The following TMEM232 variants were observed in gnomAD, a reference collection of about 807,000 sequenced individuals.
TMEM232 encodes transmembrane protein 232.
A neutral mutation model predicts 78.8 loss-of-function variants in TMEM232; 80 were observed. The ratio of observed to expected loss-of-function variants is 1.01; its 90% CI spans 0.85 to 1.22. The LOEUF (loss-of-function observed/expected upper bound fraction) is 1.22. TMEM232 is among the 50% of genes most tolerant of loss of function. TMEM232 has a pLI of 0.00. For synonymous variants in TMEM232, 297 were observed against 254.3 expected, an observed-to-expected ratio of 1.17 and a Z score of -1.60; for missense variants, 881 against 742.2, an observed-to-expected ratio of 1.19 and a Z score of -2.17.
At chr5:110,668,862 C>G (rs976436209) in intron 1 of TMEM232, among the ~76,000 whole-genome samples, 1 of 152,160 alleles carries the variant, frequency 6.6e-6, no homozygotes, top group African/African-American at 2.4e-5. Flanking sequence ...ACTGAACAAC[C>G]TGCTCCTTAA....
chr5:110,555,295 G>C (rs1177354790), intron 11 of TMEM232, among the ~76,000 whole-genome samples: 1 of 152,078 alleles, frequency 6.6e-6, no homozygotes, highest in Non-Finnish European at 1.5e-5. Flanking sequence ...GGAGCAGGTT[G>C]CTTAATTTAC....
At chr5:110,536,107 T>C (rs1393944241) in intron 11 of TMEM232, among the ~76,000 whole-genome samples, 2 of 152,214 alleles carry the variant, frequency 1.3e-5, no homozygotes, top group Non-Finnish European at 2.9e-5. Flanking sequence ...GGGAGTCTTT[T>C]GTTCTCTCTT....
rs1350763122 is a variant in TMEM232 at position 110,587,687 on chromosome 5, ATATATG to A, written c.1276+17416_1276+17421del. Among the ~76,000 whole-genome samples, 221 of 78,186 alleles carry A rather than the reference ATATATG, an allele frequency of 2.8e-3. 1 individual carries two copies. The highest frequency in any genetic ancestry group is 0.012 in the East Asian group (28 of 2,280). The allele number at this position is 78,186 out of a possible 152,430, so 51.3% of individuals were successfully genotyped here. A position where few individuals can be genotyped will look rare whatever the true frequency, so the allele number is the denominator to read the frequency against. On this transcript the variant is annotated intron_variant, in intron 10 of 13. Coordinates refer to ENST00000455884, the MANE Select transcript of TMEM232 (RefSeq NM_001039763.4). ...TGTATATATATATATATATATATAT[ATATATG>A]TGTGTGTGTGTGTGTGTGTGTGTGT... is the stretch of plus-strand genomic sequence containing the variant.
At chr5:110,605,801 A>T (rs1156362109) in intron 9 of TMEM232, among the ~76,000 whole-genome samples, 1 of 152,044 alleles carries the variant, frequency 6.6e-6, no homozygotes, top group African/African-American at 2.4e-5. Flanking sequence ...TGGTAATTTA[A>T]TTTTATTAGC....
chr5:110,626,835 G>T (rs1204298769), intron 6 of TMEM232, among the ~76,000 whole-genome samples: 1 of 151,922 alleles, frequency 6.6e-6, no homozygotes, highest in Non-Finnish European at 1.5e-5. Flanking sequence ...TGTTGATCTT[G>T]AATTTCTCTC....
intron 4 of TMEM232, among the ~76,000 whole-genome samples, chr5:110,389,855 A>C (rs1755116854): frequency 6.6e-6 from 1 of 152,178 alleles, no homozygotes; most frequent in African/African-American, 2.4e-5. Context: ...GCTACGGTGA[A>C]ATTCTTAATA....
At chr5:110,433,866 C>T (rs185781814) in intron 12 of TMEM232, among the ~76,000 whole-genome samples, 24 of 152,022 alleles carry the variant, frequency 1.6e-4, no homozygotes, top group Admixed American at 2.6e-4. Flanking sequence ...TGATGTGCTG[C>T]GGGATTTGGT....
intron 1 of TMEM232, among the ~76,000 whole-genome samples, chr5:110,709,496 T>C (rs979337491): frequency 2.6e-5 from 4 of 151,944 alleles, no homozygotes; most frequent in African/African-American, 9.7e-5. Flanking sequence ...CAGAATTGGG[T>C]CCAAAAAATT....
chr5:110,634,001 A>C (rs544985516), intron 5 of TMEM232, among the ~76,000 whole-genome samples: 2 of 152,304 alleles, frequency 1.3e-5, no homozygotes, highest in African/African-American at 4.8e-5. Flanking sequence ...GAGATGGAAA[A>C]ACATACTCCA....
At chr5:110,452,843 A>G (rs1225079652) in intron 12 of TMEM232, among the ~76,000 whole-genome samples, 3 of 152,224 alleles carry the variant, frequency 2.0e-5, no homozygotes, top group Non-Finnish European at 4.4e-5. Context: ...GTCATTCATG[A>G]TTCCTCTTAC....
At chr5:110,453,438 A>T (rs1760537705) in intron 12 of TMEM232, among the ~76,000 whole-genome samples, 2 of 152,022 alleles carry the variant, frequency 1.3e-5, no homozygotes, top group South Asian at 4.1e-4. Flanking sequence ...AGTAGCTGGG[A>T]TTACAGGCAT....
intron 10 of TMEM232, among the ~76,000 whole-genome samples, chr5:110,602,439 C>T (rs1448536950): frequency 6.6e-6 from 1 of 150,940 alleles, no homozygotes; most frequent in Non-Finnish European, 1.5e-5. Flanking sequence ...GGAACTGGAA[C>T]AAATTTACAA....
rs759269203 is a variant in TMEM232 at position 110,546,645 on chromosome 5, G to A, written c.1456-17810C>T. ...AATAACTTAAATAAGAGTAGAATAC[G>A]TATTTTCTTTTAGATCTAAGTGTCT... is the stretch of plus-strand genomic sequence containing the variant. On this transcript the variant is annotated intron_variant, in intron 11 of 13. Transcript: ENST00000455884. Among the ~76,000 whole-genome samples, 6 of 152,056 alleles carry A rather than the reference G, an allele frequency of 3.9e-5. No individual in the cohort carries two copies. In the East Asian group the frequency reaches 5.8e-4, roughly 15 times the overall value.
intron 12 of TMEM232, among the ~76,000 whole-genome samples, chr5:110,475,184 TAC>T (rs1763114147): frequency 6.6e-6 from 1 of 151,896 alleles, no homozygotes; most frequent in African/African-American, 2.4e-5. Context: ...CCCAAATATA[TAC>T]AGTTATGCCA....
chr5:110,689,512 T>A (rs548692802), intron 1 of TMEM232, among the ~76,000 whole-genome samples: 2 of 152,126 alleles, frequency 1.3e-5, no homozygotes, highest in African/African-American at 4.8e-5. Flanking sequence ...TTAGAAACCC[T>A]TGGACAAGAT....
intron 1 of TMEM232, among the ~76,000 whole-genome samples, chr5:110,693,194 G>A (rs1259514321): frequency 6.6e-6 from 1 of 152,150 alleles, no homozygotes; most frequent in Non-Finnish European, 1.5e-5. Flanking sequence ...AGGCAAACAG[G>A]GTCTGGAATG....
At chr5:110,523,333 A>G (rs1276551205) in intron 12 of TMEM232, among the ~76,000 whole-genome samples, 2 of 151,432 alleles carry the variant, frequency 1.3e-5, no homozygotes, top group African/African-American at 2.5e-5. Context: ...CCTTTTAAAA[A>G]AACTAACTTT....
At chr5:110,402,883 A>G (rs1309724642) in intron 2 of TMEM232, among the ~76,000 whole-genome samples, 3 of 152,066 alleles carry the variant, frequency 2.0e-5, no homozygotes, top group African/African-American at 4.8e-5. Context: ...CCAGATCCCT[A>G]TGACCAGAAG....
At chr5:110,648,297 G>A (rs1030367857) in intron 2 of TMEM232, among the ~76,000 whole-genome samples, 2 of 152,014 alleles carry the variant, frequency 1.3e-5, no homozygotes, top group Non-Finnish European at 1.5e-5. Flanking sequence ...CACAAACTGC[G>A]TGTGGTTGTG....
Sources: gnomAD v4.1 joint callset for allele counts (sites outside exome capture counted in the v4.1 genomes callset) on GRCh38, gnomAD v4.1.1 for gene constraint, MANE v1.5 for transcripts, NCBI Gene and HGNC (gene_info 2026-07-23, HGNC 2026-07-21) for gene names.